The following CDC40 variants were observed in gnomAD, a reference collection of about 807,000 sequenced individuals.
CDC40 encodes pre-mRNA-processing factor 17.
Under a neutral mutation model 80.6 loss-of-function variants are expected in CDC40, and 27 were observed. That is an observed-to-expected ratio of 0.33 (90% CI 0.25 to 0.46). CDC40 has a LOEUF of 0.46. Among genes scored for constraint, CDC40 ranks in the 20% least tolerant of loss-of-function variants. CDC40 has a pLI of 1.00. For missense variants in CDC40, 486 were observed against 694.1 expected, an observed-to-expected ratio of 0.70 and a Z score of 3.37; for synonymous variants, 221 against 232.6, an observed-to-expected ratio of 0.95 and a Z score of 0.45.
At chr6:110,201,952 G>A (rs942661266) in intron 3 of CDC40, among the ~76,000 whole-genome samples, 2 of 152,096 alleles carry the variant, frequency 1.3e-5, no homozygotes, top group Admixed American at 1.3e-4. Flanking sequence ...TGTCGTACTA[G>A]GTAATGGACA....
At position 110,201,692 on chromosome 6, in the gene CDC40, G is replaced by A; in HGVS notation, c.406+5G>A. The A allele has an allele frequency of 6.2e-7, 1 of 1,612,844 alleles. No individual in the cohort carries two copies. The highest frequency in any genetic ancestry group is 8.5e-7 in the Non-Finnish European group (1 of 1,179,174). On this transcript the variant is annotated splice_donor_5th_base_variant and intron_variant, in intron 3 of 14. Transcript: ENST00000307731. ...GGAGAACTTTTGCAACATATGGTAAGGTGATAAGACTTAAGCAGTTTCAAT... is the reference window on the plus strand; with the variant it reads ...GGAGAACTTTTGCAACATATGGTAAAGTGATAAGACTTAAGCAGTTTCAAT...
intron 5 of CDC40, 48 bp from the exon 6 acceptor site, chr6:110,210,659 T>G: frequency 9.9e-7 from 1 of 1,013,330 alleles, no homozygotes; most frequent in South Asian, 2.1e-5. Context: ...TTAGGTATAA[T>G]GAGGTTCTAG....
chr6:110,201,731 G>C (rs1156264993), intron 3 of CDC40, 44 bp downstream of exon 3: 1 of 1,572,146 alleles, frequency 6.4e-7, no homozygotes, highest in Non-Finnish European at 8.7e-7. Flanking sequence ...GGCTTTATTA[G>C]AAGTGTGATC....
chr6:110,203,606 A>G (rs1209010730), intron 3 of CDC40, among the ~76,000 whole-genome samples: 1 of 152,212 alleles, frequency 6.6e-6, no homozygotes, highest in Non-Finnish European at 1.5e-5. Context: ...AAGTTGTAAG[A>G]TTGTTATAAT....
At chr6:110,197,045 G>A (rs539922328) in intron 2 of CDC40, among the ~76,000 whole-genome samples, 12 of 152,202 alleles carry the variant, frequency 7.9e-5, no homozygotes, top group African/African-American at 2.6e-4. Flanking sequence ...TTCCTGCAAT[G>A]TTATAATATG....
Position 110,193,260 on chromosome 6 carries a change from G to A in CDC40, c.268G>A (p.Ala90Thr). Residue 90 changes from alanine (A) to threonine (T), a missense_variant, in exon 2 of 15, where the codon GCT becomes ACT. Transcript: ENST00000307731. ...TAATCCTACCTATGAGACCATGTTT[G>A]CTCCTGAGGTAAGAAAACATACTTA... is the stretch of plus-strand genomic sequence containing the variant. ...QYNPTYETMF[A>T]PEFGPENPFR... The A allele has an allele frequency of 6.3e-7, 1 of 1,587,408 alleles. No homozygotes were observed. The highest frequency in any genetic ancestry group is 8.7e-7 in the Non-Finnish European group (1 of 1,155,932).
chr6:110,207,263 C>T (rs1005872066), intron 3 of CDC40, among the ~76,000 whole-genome samples: 6 of 146,070 alleles, frequency 4.1e-5, no homozygotes, highest in Non-Finnish European at 7.4e-5. Context: ...TGCAGTGAGC[C>T]GAGATTACAC....
chr6:110,196,298 C>G (rs964054420), intron 2 of CDC40, among the ~76,000 whole-genome samples: 2 of 152,134 alleles, frequency 1.3e-5, no homozygotes, highest in Non-Finnish European at 2.9e-5. Context: ...AACATTTACT[C>G]AATTGCTTAT....
At chr6:110,216,964 A>G (rs1244051079) in intron 9 of CDC40, among the ~76,000 whole-genome samples, 1 of 152,136 alleles carries the variant, frequency 6.6e-6, no homozygotes, top group Non-Finnish European at 1.5e-5. Context: ...GAAATTAGCC[A>G]GGCGTTGTGG....
chr6:110,216,311 C>T (rs571706162), intron 9 of CDC40, among the ~76,000 whole-genome samples: 6 of 152,308 alleles, frequency 3.9e-5, no homozygotes, highest in Non-Finnish European at 5.9e-5. Context: ...CACGTTGAAA[C>T]GGTGTGACTC....
At chr6:110,205,126 G>C (rs114869908) in intron 3 of CDC40, among the ~76,000 whole-genome samples, 276 of 152,016 alleles carry the variant, frequency 1.8e-3, no homozygotes, top group African/African-American at 6.1e-3. Context: ...ATTGTTTATA[G>C]TCTCTTTTCA....
chr6:110,190,720 G>A (rs1307999096), intron 1 of CDC40, among the ~76,000 whole-genome samples: 1 of 152,158 alleles, frequency 6.6e-6, no homozygotes, highest in Non-Finnish European at 1.5e-5. Context: ...CCAAGCTCAG[G>A]GGGACCGAGC....
chr6:110,215,394 T>C, intron 9 of CDC40, 63 bp downstream of exon 9: 2 of 1,277,250 alleles, frequency 1.6e-6, no homozygotes, highest in East Asian at 2.3e-5. Flanking sequence ...ATAACATCAT[T>C]GACAATAACT....
chr6:110,206,262 C>T (rs546747505), intron 3 of CDC40, among the ~76,000 whole-genome samples: 3 of 152,072 alleles, frequency 2.0e-5, no homozygotes, highest in Non-Finnish European at 2.9e-5. Context: ...CTCAGCCTCC[C>T]GAGTAGCTGG....
intron 1 of CDC40, among the ~76,000 whole-genome samples, chr6:110,183,413 G>T (rs1351278816): frequency 1.3e-5 from 2 of 152,184 alleles, no homozygotes; most frequent in East Asian, 3.9e-4. Context: ...GGCAGGGATG[G>T]GGGTGTTTGT....
chr6:110,193,196 T>C lies in CDC40; in HGVS notation c.204T>C (p.Thr68=). 1 of 1,597,858 alleles carries C rather than the reference T, an allele frequency of 6.3e-7. No homozygotes were observed. Among genetic ancestry groups the C allele is most frequent in the Non-Finnish European group, 8.6e-7 (1 of 1,165,368 alleles). The stretch of plus-strand genomic sequence containing the variant: ...ATTCTTTTTAGGAAGATTTGGAGAC[T>C]GGAGTTCACCTTGACCCTGCCGTCA... The part of the protein sequence containing the change: ...PEVAVKEDLE[T]GVHLDPAVKE... Residue 68 remains threonine, a synonymous_variant, in exon 2 of 15, where the codon ACT becomes ACC. Coordinates refer to ENST00000307731, the MANE Select transcript of CDC40 (RefSeq NM_015891.3).
intron 2 of CDC40, among the ~76,000 whole-genome samples, chr6:110,196,565 T>G (rs2114653790): frequency 6.6e-6 from 1 of 152,224 alleles, no homozygotes; most frequent in Middle Eastern, 3.4e-3. Context: ...ATAGTAGTAC[T>G]TCAGAATAGA....
chr6:110,220,424 T>C (rs1326428061), intron 12 of CDC40, among the ~76,000 whole-genome samples: 2 of 150,108 alleles, frequency 1.3e-5, no homozygotes, highest in South Asian at 2.1e-4. Flanking sequence ...CCCACAATCA[T>C]TGATGAAGGA....
Position 110,230,702 on chromosome 6 carries a change from C to T in CDC40, c.*571C>T, listed in dbSNP as rs973724135. 3 of 151,790 alleles carry T rather than the reference C, an allele frequency of 2.0e-5. No homozygotes were observed. The highest frequency in any genetic ancestry group is 7.4e-5 in the African/African-American group (3 of 40,798). 9.4% of individuals were successfully genotyped at this position (151,790 alleles called of 1,614,324 possible). A position where few individuals can be genotyped will look rare whatever the true frequency, so the allele number is the denominator to read the frequency against. On this transcript the variant is annotated 3_prime_UTR_variant, in exon 15 of 15. Coordinates refer to ENST00000307731, the MANE Select transcript of CDC40 (RefSeq NM_015891.3). Reference sequence around the variant, plus strand: ...GTAAAGCAGTAATCTTTAACTGTAGCATTCCTCTAATTATAAACAGTGAAA... The same window carrying T: ...GTAAAGCAGTAATCTTTAACTGTAGTATTCCTCTAATTATAAACAGTGAAA...
Sources: allele counts gnomAD v4.1 joint callset (sites outside exome capture counted in the v4.1 genomes callset), GRCh38; gene constraint gnomAD v4.1.1; transcripts MANE v1.5; gene names NCBI Gene and HGNC (gene_info 2026-07-23, HGNC 2026-07-21).